The following MAGT1 variants were observed in gnomAD, a reference collection of about 807,000 sequenced individuals.
MAGT1 encodes the protein dolichyl-diphosphooligosaccharide--protein glycosyltransferase subunit MAGT1.
Under a neutral mutation model 28.4 loss-of-function variants are expected in MAGT1, and 4 were observed. The ratio of observed to expected loss-of-function variants is 0.14; its 90% CI spans 0.07 to 0.32. The LOEUF is 0.32. Among genes scored for constraint, MAGT1 ranks in the 10% least tolerant of loss-of-function variants. The pLI, the probability that MAGT1 is intolerant of heterozygous loss-of-function variation, is 1.00. For synonymous variants in MAGT1, 89 were observed against 89.7 expected (o/e 0.99, Z 0.04); for missense variants, 193 against 264.5 (o/e 0.73, Z 1.88).
rs2076888293 is a variant in MAGT1, at chrX:77,828,094, C to G, written c.*1126G>C. ...CCCAGGTATTAAGCAAGTCTCGTGCCTCAGCCTCCCAAGTAGCTAGGATTA... is the reference window on the plus strand; with the variant it reads ...CCCAGGTATTAAGCAAGTCTCGTGCGTCAGCCTCCCAAGTAGCTAGGATTA... On this transcript the variant is annotated 3_prime_UTR_variant, in exon 10 of 10. Transcript: ENST00000618282. 1 of 110,376 alleles carries G rather than the reference C, an allele frequency of 9.1e-6. No individual in the cohort carries two copies. Among genetic ancestry groups the G allele is most frequent in the Non-Finnish European group, 1.9e-5 (1 of 52,871 alleles). The allele number at this position is 110,376 out of a possible 1,213,427, so 9.1% of individuals were successfully genotyped here.
In MAGT1 at chrX:77,827,858, G is replaced by A. The variant is rs1436019602; in HGVS notation, c.*1362C>T. ...TAAGTTACACTGATTTTAGCACTAA[G>A]CTATATTTTTATCACAGATGGGTCA... On this transcript the variant is annotated 3_prime_UTR_variant, in exon 10 of 10. Transcript: ENST00000618282. 9.0e-6 allele frequency: 1 copy of A among 111,677 alleles called. No individual in the cohort carries two copies. The highest frequency in any genetic ancestry group is 1.9e-5 in the Non-Finnish European group (1 of 53,147). The allele number at this position is 111,677 out of a possible 1,213,427, so 9.2% of individuals were successfully genotyped here. A position where few individuals can be genotyped will look rare whatever the true frequency, so the allele number is the denominator to read the frequency against.
intron 7 of MAGT1, among the ~76,000 whole-genome samples, chrX:77,843,195 T>C (rs890520448): frequency 1.8e-5 from 2 of 112,062 alleles, no homozygotes; most frequent in Admixed American, 1.9e-4. Flanking sequence ...ATTTGACTTG[T>C]CATCCCTTCA....
intron 1 of MAGT1, among the ~76,000 whole-genome samples, chrX:77,891,757 C>T (rs1215821389): frequency 9.0e-6 from 1 of 110,557 alleles, no homozygotes; most frequent in Non-Finnish European, 1.9e-5. Flanking sequence ...TAGTGAGACC[C>T]GGTCTCCACA....
intron 7 of MAGT1, among the ~76,000 whole-genome samples, chrX:77,847,152 C>T (rs2076954007): frequency 8.9e-6 from 1 of 112,194 alleles, no homozygotes; most frequent in South Asian, 3.6e-4. Context: ...CTCCCCCAGC[C>T]TCGCTGCCGC....
At position 77,829,540 on chromosome X, in the gene MAGT1, C is replaced by A. The variant is rs782026897; in HGVS notation, c.993-305G>T. On this transcript the variant is annotated intron_variant, in intron 9 of 9. Transcript: ENST00000618282. ...TGCCCAGTCTGGTCTGGGACTCCCA[C>A]GCTCAAGTGATCATTCTGTCTTAGC... Among the ~76,000 whole-genome samples, 21 of 110,602 alleles carry A rather than the reference C, an allele frequency of 1.9e-4. No individual in the cohort carries two copies. In the East Asian group the frequency reaches 5.9e-3, roughly 31 times the overall value.
At chrX:77,838,450 T>A (rs2076925940) in intron 8 of MAGT1, among the ~76,000 whole-genome samples, 1 of 98,240 alleles carries the variant, frequency 1.0e-5, no homozygotes, top group Non-Finnish European at 2.0e-5. Flanking sequence ...GAGTAAGGCC[T>A]GGCCTTAAAA....
At chrX:77,891,806 G>A (rs2077083408) in intron 1 of MAGT1, among the ~76,000 whole-genome samples, 1 of 111,661 alleles carries the variant, frequency 9.0e-6, no homozygotes, top group Non-Finnish European at 1.9e-5. Context: ...ATAAGTCCAC[G>A]TTCCAATGAA....
chrX:77,864,959 G>A (rs1452101124), intron 3 of MAGT1, among the ~76,000 whole-genome samples: 1 of 112,199 alleles, frequency 8.9e-6, no homozygotes, highest in Non-Finnish European at 1.9e-5. Flanking sequence ...TGATCCCCAC[G>A]CCTTGGCCTC....
intron 7 of MAGT1, among the ~76,000 whole-genome samples, chrX:77,845,670 A>G (rs1290797914): frequency 9.0e-6 from 1 of 111,284 alleles, no homozygotes; most frequent in Non-Finnish European, 1.9e-5. Flanking sequence ...TTGTCTGTAA[A>G]GGATTTTATT....
chrX:77,877,102 A>AG (rs2077037629), intron 1 of MAGT1, among the ~76,000 whole-genome samples: 5 of 110,439 alleles, frequency 4.5e-5, no homozygotes, highest in Admixed American at 3.9e-4. Context: ...GAAAATAAAT[A>AG]GGAGAAAATA....
At chrX:77,875,682 A>G (rs1441883417) in intron 1 of MAGT1, 85 bp from the exon 2 acceptor site, 1 of 979,257 alleles carries the variant, frequency 1.0e-6, no homozygotes, top group Non-Finnish European at 1.4e-6. Context: ...CTTAAAACCA[A>G]TACTAACAAG....
intron 1 of MAGT1, among the ~76,000 whole-genome samples, chrX:77,878,836 T>C (rs909673333): frequency 9.5e-6 from 1 of 104,831 alleles, no homozygotes; most frequent in Non-Finnish European, 2.0e-5. Flanking sequence ...ATCTGGCAAC[T>C]AAAGATACAT....
upstream of MAGT1, chrX:77,895,553 C>A: frequency 2.8e-6 from 3 of 1,071,256 alleles, no homozygotes; most frequent in South Asian, 2.2e-5. Flanking sequence ...TACGTCACAG[C>A]GCGCTGGCGC....
chrX:77,841,115 C>T (rs928666724), intron 8 of MAGT1, 131 bp downstream of exon 8: 4 of 452,817 alleles, frequency 8.8e-6, no homozygotes, highest in Admixed American at 4.3e-5. Flanking sequence ...ACAGATATGA[C>T]ATTTAAAGAA....
chrX:77,867,861 T>C (rs1226810217), intron 3 of MAGT1, among the ~76,000 whole-genome samples: 1 of 67,173 alleles, frequency 1.5e-5, no homozygotes, highest in African/African-American at 3.5e-5. Flanking sequence ...CCAAGTTTAT[T>C]TTTTTCCAAG....
intron 1 of MAGT1, among the ~76,000 whole-genome samples, chrX:77,894,890 C>T (rs782489627): frequency 8.9e-6 from 1 of 112,032 alleles, no homozygotes; most frequent in African/African-American, 3.2e-5. Flanking sequence ...GTCTAACTCT[C>T]ACACTCCTGA....
At chrX:77,847,298 TG>T (rs2076954575) in intron 7 of MAGT1, among the ~76,000 whole-genome samples, 1 of 112,503 alleles carries the variant, frequency 8.9e-6, no homozygotes, top group African/African-American at 3.2e-5. Flanking sequence ...AGTATTAGGG[TG>T]GGAGTGACCC....
At chrX:77,876,077 C>A (rs2077032630) in intron 1 of MAGT1, among the ~76,000 whole-genome samples, 1 of 99,901 alleles carries the variant, frequency 1.0e-5, no homozygotes, top group Non-Finnish European at 2.0e-5. Context: ...GCAATCTGCC[C>A]GCCTCAGCTA....
chrX:77,895,529 G>A, upstream of MAGT1: 12 of 1,145,142 alleles, frequency 1.0e-5, no homozygotes, highest in East Asian at 6.6e-5. Context: ...GCCCTGCCGG[G>A]AGACCCCTCA....
Sources: gnomAD v4.1 joint callset for allele counts (sites outside exome capture counted in the v4.1 genomes callset) on GRCh38, gnomAD v4.1.1 for gene constraint, MANE v1.5 for transcripts, NCBI Gene and HGNC (gene_info 2026-07-23, HGNC 2026-07-21) for gene names.